The following KCNK12 variants were observed in gnomAD, a reference collection of about 807,000 sequenced individuals.
KCNK12 encodes the protein potassium two pore domain channel subfamily K member 12.
A neutral mutation model predicts 25.3 loss-of-function variants in KCNK12; 6 were observed. The observed-to-expected ratio is 0.24, with a 90% CI of 0.13 to 0.47. The LOEUF is 0.47. Ranked by LOEUF, KCNK12 falls within the 20% of genes least tolerant of loss-of-function variation. KCNK12 has a pLI of 0.99. For missense variants in KCNK12, 444 were observed against 661.7 expected, an observed-to-expected ratio of 0.67 and a Z score of 3.61; for synonymous variants, 331 against 311.1, an observed-to-expected ratio of 1.06 and a Z score of -0.67.
intron 1 of KCNK12, among the ~76,000 whole-genome samples, chr2:47,542,390 G>A (rs1669220473): frequency 6.6e-6 from 1 of 152,248 alleles, no homozygotes; most frequent in Non-Finnish European, 1.5e-5. Context: ...TGCAACACTA[G>A]GCGCTTAGTA....
intron 1 of KCNK12, chr2:47,527,719 T>C (rs1421114993): frequency 6.6e-6 from 1 of 152,320 alleles, no homozygotes; most frequent in African/African-American, 2.4e-5. Context: ...AAACCTAGAA[T>C]GTGACCGGCC....
rs2104645632 is a variant in KCNK12 at position 47,509,471 on chromosome 2, A to G, written c.*11436T>C. 6.6e-6 allele frequency among the ~76,000 whole-genome samples: 1 copy of G among 152,354 alleles called. No individual in the cohort carries two copies. ...AGTCTCTGATGTCAGCTGGCTGCCAACACGTCAGTTGTATCAGCATTAGCT... is the reference window on the plus strand; with the variant it reads ...AGTCTCTGATGTCAGCTGGCTGCCAGCACGTCAGTTGTATCAGCATTAGCT... On this transcript the variant is annotated 3_prime_UTR_variant, in exon 2 of 2. Coordinates refer to ENST00000327876, the MANE Select transcript of KCNK12 (RefSeq NM_022055.2).
rs758195234 is a variant in KCNK12, at chr2:47,569,935, G to A, written c.391+6C>T. The A allele has an allele frequency of 1.4e-6, 2 of 1,381,056 alleles. No homozygotes were observed. The highest frequency in any genetic ancestry group is 1.9e-6 in the Non-Finnish European group (2 of 1,062,250). 85.6% of individuals were successfully genotyped at this position (1,381,056 alleles called of 1,614,324 possible). On this transcript the variant is annotated splice_donor_region_variant and intron_variant, in intron 1 of 1. Transcript: ENST00000327876. The surrounding 1 kb of genome is among the most constrained non-coding windows in gnomAD (Gnocchi z 4.1). ...AGGAAAGATGCGCGGGGGACGCGCC[G>A]CTCACCTATGGTTGACACCACGGTG...
chr2:47,512,466 TC>T lies in KCNK12; in HGVS notation c.*8440del. 6.4e-7 allele frequency: 1 copy of T among 1,555,794 alleles called. No individual in the cohort carries two copies. Among genetic ancestry groups the T allele is most frequent in the Non-Finnish European group, 8.7e-7 (1 of 1,151,256 alleles). On this transcript the variant is annotated 3_prime_UTR_variant, in exon 2 of 2. Coordinates refer to ENST00000327876, the MANE Select transcript of KCNK12 (RefSeq NM_022055.2). ...GTCTGTTGCCTTCTGGTTAAGTTTT[TC>T]ATTTGTAATTCTACAAACATCCCTT...
At position 47,555,021 on chromosome 2, in the gene KCNK12, G is replaced by C. The variant is rs954687889; in HGVS notation, c.391+14920C>G. ...TCATGGAGCAGTGTACCAAGGAGCA[G>C]GAACAGCTTGTGAGGGGAACAGTCA... On this transcript the variant is annotated intron_variant, in intron 1 of 1. Transcript: ENST00000327876. The surrounding 1 kb of genome is among the most constrained non-coding windows in gnomAD (Gnocchi z 4.5). Among the ~76,000 whole-genome samples the C allele has an allele frequency of 6.6e-6, 1 of 152,228 alleles. No homozygotes were observed. The highest frequency in any genetic ancestry group is 2.4e-5 in the African/African-American group (1 of 41,460).
rs1668347050 is a variant in KCNK12 at position 47,509,442 on chromosome 2, C to G, written c.*11465G>C. Among the ~76,000 whole-genome samples, 1 of 152,252 alleles carries G rather than the reference C, an allele frequency of 6.6e-6. No homozygotes were observed. The highest frequency in any genetic ancestry group is 2.4e-5 in the African/African-American group (1 of 41,468). On this transcript the variant is annotated 3_prime_UTR_variant, in exon 2 of 2. Transcript: ENST00000327876. ...AAATTCTCTGTCCCATAGCAGGAAA[C>G]CACAGTCTCTGATGTCAGCTGGCTG...
Position 47,546,768 on chromosome 2 carries a change from G to A in KCNK12, c.391+23173C>T, listed in dbSNP as rs972123233. Among the ~76,000 whole-genome samples, 6 of 152,324 alleles carry A rather than the reference G, an allele frequency of 3.9e-5. No homozygotes were observed. The East Asian group carries it at 7.7e-4, about 20-fold the overall frequency. On this transcript the variant is annotated intron_variant, in intron 1 of 1. Transcript: ENST00000327876. The stretch of plus-strand genomic sequence containing the variant: ...AATGATGGTAAAAGGACATAAAGGT[G>A]TAAACTAGCAATAACACAGGGAATG...
rs1252043669 is a variant in KCNK12 at position 47,540,770 on chromosome 2, TAA to T, written c.392-18964_392-18963del. ...GTGAGACTCCATCCCTAGAAACAAT[TAA>T]AAACAAACAAACAAACAAACAAACA... On this transcript the variant is annotated intron_variant, in intron 1 of 1. Transcript: ENST00000327876. This position sits in a 1 kb window ranked among gnomAD's most constrained non-coding sequence, Gnocchi z 5.4. 3.7e-5 allele frequency among the ~76,000 whole-genome samples: 4 copies of T among 107,372 alleles called. No homozygotes were observed. The highest frequency in any genetic ancestry group is 2.2e-4 in the African/African-American group (4 of 18,538). The allele number at this position is 107,372 out of a possible 152,430, so 70.4% of individuals were successfully genotyped here.
chr2:47,556,188 G>A lies in KCNK12; in HGVS notation c.391+13753C>T, dbSNP rs373684508. ...GGAAGAATATACATGTTTGCATACC[G>A]ATGGAGTATAAATTAACAATGCATG... On this transcript the variant is annotated intron_variant, in intron 1 of 1. Transcript: ENST00000327876. The surrounding 1 kb of genome is among the most constrained non-coding windows in gnomAD (Gnocchi z 4.8). 3.3e-5 allele frequency among the ~76,000 whole-genome samples: 5 copies of A among 152,154 alleles called. No individual in the cohort carries two copies. Among genetic ancestry groups the A allele is most frequent in the African/African-American group, 4.8e-5 (2 of 41,426 alleles).
intron 1 of KCNK12, among the ~76,000 whole-genome samples, chr2:47,542,188 C>T (rs1669215955): frequency 2.0e-5 from 3 of 152,228 alleles, no homozygotes; most frequent in Admixed American, 2.0e-4. Context: ...TCTCATCATA[C>T]CACTTCTGTC....
rs186357720 is a variant in KCNK12 at position 47,549,806 on chromosome 2, C to T, written c.391+20135G>A. On this transcript the variant is annotated intron_variant, in intron 1 of 1. Transcript: ENST00000327876. ...AAAATTAGCCAGGCGCAGTGGCGGG[C>T]GCCTGTAATTCTAGCTACTCAGGAG... 7.8e-3 allele frequency among the ~76,000 whole-genome samples: 1,188 copies of T among 151,942 alleles called. 28 individuals are homozygous for T. The highest frequency in any genetic ancestry group is 0.066 in the East Asian group (338 of 5,160).
intron 1 of KCNK12, chr2:47,527,650 A>G (rs1668816961): frequency 6.6e-6 from 1 of 152,252 alleles, no homozygotes; most frequent in Admixed American, 6.5e-5. Flanking sequence ...GCTTCTGCCC[A>G]AGGCCATCTA....
In KCNK12 at chr2:47,512,237, G is replaced by A. The variant is rs889037649; in HGVS notation, c.*8670C>T. The A allele has an allele frequency of 1.9e-6, 3 of 1,585,586 alleles. No individual in the cohort carries two copies. The highest frequency in any genetic ancestry group is 2.7e-5 in the African/African-American group (2 of 74,234). ...CAGGTACTCTGCAGATGTTTGCTGAGTATCGTTCTTGATGGAAATCCCCGT... is the reference window on the plus strand; with the variant it reads ...CAGGTACTCTGCAGATGTTTGCTGAATATCGTTCTTGATGGAAATCCCCGT... On this transcript the variant is annotated 3_prime_UTR_variant, in exon 2 of 2. Coordinates refer to ENST00000327876, the MANE Select transcript of KCNK12 (RefSeq NM_022055.2).
chr2:47,513,980 C>G lies in KCNK12; in HGVS notation c.*6927G>C, dbSNP rs1209550477. 6.6e-6 allele frequency among the ~76,000 whole-genome samples: 1 copy of G among 152,146 alleles called. No individual in the cohort carries two copies. Among genetic ancestry groups the G allele is most frequent in the Admixed American group, 6.5e-5 (1 of 15,280 alleles). On this transcript the variant is annotated 3_prime_UTR_variant, in exon 2 of 2. Coordinates refer to ENST00000327876, the MANE Select transcript of KCNK12 (RefSeq NM_022055.2). ...CAGCACACGCATCCTTAAAACCCCT[C>G]CACTGGCTTGCCAGTGTCCTCAGGA...
At chr2:47,524,624 G>C (rs912469599) in intron 1 of KCNK12, among the ~76,000 whole-genome samples, 1 of 152,210 alleles carries the variant, frequency 6.6e-6, no homozygotes, top group African/African-American at 2.4e-5. Flanking sequence ...GGGGGTAGTA[G>C]CTGAGAGGGG....
Position 47,548,057 on chromosome 2 carries a change from C to A in KCNK12, c.391+21884G>T, listed in dbSNP as rs1366208031. ...GTAGCACCTTCCCCTTTGCTCTCTT[C>A]CTCCTGCTCCAGCCATGAAGGACGT... is the stretch of plus-strand genomic sequence containing the variant. On this transcript the variant is annotated intron_variant, in intron 1 of 1. Coordinates refer to ENST00000327876, the MANE Select transcript of KCNK12 (RefSeq NM_022055.2). This position sits in a 1 kb window ranked among gnomAD's most constrained non-coding sequence, Gnocchi z 4.4. Among the ~76,000 whole-genome samples the A allele has an allele frequency of 6.6e-6, 1 of 152,196 alleles. No homozygotes were observed. The highest frequency in any genetic ancestry group is 1.5e-5 in the Non-Finnish European group (1 of 68,042).
At chr2:47,553,135 C>G (rs1359041153) in intron 1 of KCNK12, among the ~76,000 whole-genome samples, 3 of 152,148 alleles carry the variant, frequency 2.0e-5, no homozygotes, top group African/African-American at 7.2e-5. Context: ...TCCCCATGAC[C>G]CTGTGAGGTA....
intron 1 of KCNK12, chr2:47,543,448 T>TG (rs1669245869): frequency 6.6e-6 from 1 of 152,144 alleles, no homozygotes; most frequent in African/African-American, 2.4e-5. Flanking sequence ...AAGTGCAGTG[T>TG]GAGGTCACTT....
At chr2:47,534,195 C>T (rs1219565193) in intron 1 of KCNK12, among the ~76,000 whole-genome samples, 1 of 151,990 alleles carries the variant, frequency 6.6e-6, no homozygotes, top group Non-Finnish European at 1.5e-5. Flanking sequence ...TGTACCTCGG[C>T]ACAGCCTTCC....
Sources: gnomAD v4.1 joint callset for allele counts (sites outside exome capture counted in the v4.1 genomes callset) on GRCh38, gnomAD v4.1.1 for gene constraint, Gnocchi (gnomAD v3.1) non-coding constraint, MANE v1.5 for transcripts, NCBI Gene and HGNC (gene_info 2026-07-23, HGNC 2026-07-21) for gene names.